Variants in FLI1 observed in about 807,000 individuals in gnomAD.
The protein encoded by FLI1 is Friend leukemia integration 1 transcription factor.
A neutral mutation model predicts 53.1 loss-of-function variants in FLI1; 13 were observed. That is an observed-to-expected ratio of 0.24 (90% confidence interval 0.16 to 0.39). The LOEUF is 0.39. Ranked by LOEUF, FLI1 falls within the 10% of genes least tolerant of loss-of-function variation. The pLI is 1.00. For synonymous variants in FLI1, 244 were observed against 236.7 expected, an observed-to-expected ratio of 1.03 and a Z score of -0.28; for missense variants, 424 against 600.5, an observed-to-expected ratio of 0.71 and a Z score of 3.07.
chr11:128,752,378 G>A (rs545951325), intron 1 of FLI1, among the ~76,000 whole-genome samples: 1 of 152,120 alleles, frequency 6.6e-6, no homozygotes, highest in African/African-American at 2.4e-5. Flanking sequence ...ACCAGATCAG[G>A]TACTGATATT....
intron 2 of FLI1, among the ~76,000 whole-genome samples, chr11:128,762,194 T>C (rs1385380699): frequency 6.6e-6 from 1 of 152,236 alleles, no homozygotes; most frequent in Non-Finnish European, 1.5e-5. Context: ...TCCTGAACAC[T>C]GTGCTTCTCC....
rs1941259940 is a variant in FLI1 at position 128,764,666 on chromosome 11, T to C, written c.231-3452T>C. ...TTCTTCACAGGCGCCAGCTGCCTCA[T>C]TAAAGAGCAGCCTTTTATGCTGGGC... On this transcript the variant is annotated intron_variant, in intron 2 of 8. Coordinates refer to ENST00000527786, the MANE Select transcript of FLI1 (RefSeq NM_002017.5). The C allele has an allele frequency of 2.0e-6, 3 of 1,535,132 alleles. No individual in the cohort carries two copies. The East Asian group carries it at 7.3e-5, about 38-fold the overall frequency.
At position 128,694,661 on chromosome 11, in the gene FLI1, C is replaced by G. The variant is rs1020322084; in HGVS notation, c.18+385C>G. ...ACACCCGGGGCTCCCGTGGCCCCAG[C>G]GCTAGGCACTGGGCTTCCTCTCCGC... is the stretch of plus-strand genomic sequence containing the variant. On this transcript the variant is annotated intron_variant, in intron 1 of 8. Transcript: ENST00000527786. Among the ~76,000 whole-genome samples the G allele has an allele frequency of 8.1e-4, 123 of 152,098 alleles. 4 individuals are homozygous for G. Among genetic ancestry groups the G allele is most frequent in the Non-Finnish European group, 2.6e-4 (18 of 67,992 alleles).
At chr11:128,728,661 G>A (rs1939574579) in intron 1 of FLI1, among the ~76,000 whole-genome samples, 1 of 152,238 alleles carries the variant, frequency 6.6e-6, no homozygotes. Flanking sequence ...GCCAAACAAG[G>A]AGCAGAGTCA....
chr11:128,735,490 C>A (rs1430048737), intron 1 of FLI1, among the ~76,000 whole-genome samples: 1 of 152,136 alleles, frequency 6.6e-6, no homozygotes, highest in Non-Finnish European at 1.5e-5. Context: ...TCCTAAGATA[C>A]CATTTGATTT....
At chr11:128,686,327 C>A (rs1211499963), upstream of FLI1, 8 of 456,116 alleles carry the variant, frequency 1.8e-5, no homozygotes, top group East Asian at 5.6e-4. Context: ...ACTGCCCAGG[C>A]CCTGGGGGAG....
At position 128,746,981 on chromosome 11, in the gene FLI1, T is replaced by C. The variant is rs559829249; in HGVS notation, c.19-11134T>C. ...AGCAGTGTGGTGATTGGCTGCCTTTTGACCCCATCTGCAGCCAGGATGGCC... is the reference window on the plus strand; with the variant it reads ...AGCAGTGTGGTGATTGGCTGCCTTTCGACCCCATCTGCAGCCAGGATGGCC... On this transcript the variant is annotated intron_variant, in intron 1 of 8. Coordinates refer to ENST00000527786, the MANE Select transcript of FLI1 (RefSeq NM_002017.5). Among the ~76,000 whole-genome samples, 4 of 152,326 alleles carry C rather than the reference T, an allele frequency of 2.6e-5. No individual in the cohort carries two copies. The East Asian group carries it at 5.8e-4, about 22-fold the overall frequency.
chr11:128,719,690 G>A (rs1939175848), intron 1 of FLI1, among the ~76,000 whole-genome samples: 1 of 152,170 alleles, frequency 6.6e-6, no homozygotes, highest in South Asian at 2.1e-4. Context: ...CCTGGGACAA[G>A]CAAGGGCAAG....
chr11:128,725,499 A>G (rs1213759854), intron 1 of FLI1, among the ~76,000 whole-genome samples: 2 of 152,224 alleles, frequency 1.3e-5, no homozygotes, highest in Non-Finnish European at 2.9e-5. Flanking sequence ...CCCAATGCTC[A>G]AGTGCCCGCA....
At chr11:128,768,015 G>C (rs1048568311) in intron 2 of FLI1, 103 bp from the exon 3 acceptor site, 1 of 1,039,180 alleles carries the variant, frequency 9.6e-7, no homozygotes, top group Non-Finnish European at 1.4e-6. Flanking sequence ...CCGGGCAATG[G>C]CTCCATGCTC....
chr11:128,782,476 CT>C (rs955366906), intron 5 of FLI1, among the ~76,000 whole-genome samples: 8 of 152,142 alleles, frequency 5.3e-5, no homozygotes, highest in African/African-American at 1.7e-4. Context: ...GGGTGGATCA[CT>C]TGGGGTCAGG....
chr11:128,744,773 C>T (rs1940304148), intron 1 of FLI1, among the ~76,000 whole-genome samples: 1 of 152,074 alleles, frequency 6.6e-6, no homozygotes, highest in Admixed American at 6.5e-5. Flanking sequence ...TACAGAAAAG[C>T]ACAAAGAAAA....
chr11:128,689,558 T>G (rs1591719920), upstream of FLI1, among the ~76,000 whole-genome samples: 1 of 152,176 alleles, frequency 6.6e-6, no homozygotes, highest in East Asian at 1.9e-4. Context: ...ACCCCTAAGG[T>G]GGTCTTGCCG....
At chr11:128,727,445 T>C (rs1461000423) in intron 1 of FLI1, among the ~76,000 whole-genome samples, 1 of 152,216 alleles carries the variant, frequency 6.6e-6, no homozygotes, top group Non-Finnish European at 1.5e-5. Context: ...GTCTAGATGC[T>C]GATCTCAGCA....
At chr11:128,707,813 A>C (rs1938616095) in intron 1 of FLI1, among the ~76,000 whole-genome samples, 1 of 151,894 alleles carries the variant, frequency 6.6e-6, no homozygotes, top group African/African-American at 2.4e-5. Context: ...AAAATTTAAA[A>C]CCCTGTGTGT....
chr11:128,741,546 C>T (rs1940140312), intron 1 of FLI1, among the ~76,000 whole-genome samples: 1 of 152,226 alleles, frequency 6.6e-6, no homozygotes, highest in Non-Finnish European at 1.5e-5. Flanking sequence ...ATGGGTGTTT[C>T]AGGACCCTGC....
At chr11:128,713,202 C>A (rs939747184) in intron 1 of FLI1, among the ~76,000 whole-genome samples, 3 of 152,142 alleles carry the variant, frequency 2.0e-5, no homozygotes, top group Admixed American at 6.5e-5. Context: ...GCACTGTAGT[C>A]CTGCTTCTCA....
intron 1 of FLI1, among the ~76,000 whole-genome samples, chr11:128,718,292 C>T (rs540476621): frequency 2.0e-5 from 3 of 152,238 alleles, no homozygotes. Context: ...CTAATCCCAG[C>T]TCCTGCCGTC....
chr11:128,769,630 T>C lies in FLI1; in HGVS notation c.385+1358T>C, dbSNP rs902921295. ...TGAGGCAGCAGACGGGTGGGGCTTG[T>C]AGAAATTTCTCTGTACCCTTTAGGA... On this transcript the variant is annotated intron_variant, in intron 3 of 8. Coordinates refer to ENST00000527786, the MANE Select transcript of FLI1 (RefSeq NM_002017.5). 2.6e-5 allele frequency among the ~76,000 whole-genome samples: 4 copies of C among 152,164 alleles called. 1 individual carries two copies. The highest frequency in any genetic ancestry group is 3.8e-4 in the East Asian group (2 of 5,196).
Sources: gnomAD v4.1 joint callset for allele counts (sites outside exome capture counted in the v4.1 genomes callset) on GRCh38, gnomAD v4.1.1 for gene constraint, MANE v1.5 for transcripts, NCBI Gene and HGNC (gene_info 2026-07-23, HGNC 2026-07-21) for gene names.